The following SUGP2 variants were observed in gnomAD, a reference collection of about 807,000 sequenced individuals.
SUGP2 encodes the protein SURP and G-patch domain-containing protein 2.
A neutral mutation model predicts 90.5 loss-of-function variants in SUGP2; 24 were observed. The ratio of observed to expected loss-of-function variants is 0.27; its 90% CI spans 0.19 to 0.37. The LOEUF is 0.37. Ranked by LOEUF, SUGP2 falls within the 10% of genes least tolerant of loss-of-function variation. The pLI is 1.00. For synonymous variants in SUGP2, 473 were observed against 513.4 expected (o/e 0.92, Z 1.06); for missense variants, 1,233 against 1,363.3 (o/e 0.90, Z 1.51).
intron 4 of SUGP2, among the ~76,000 whole-genome samples, chr19:19,011,072 G>A (rs1346427784): frequency 6.6e-6 from 1 of 151,342 alleles, no homozygotes; most frequent in Admixed American, 6.6e-5. Flanking sequence ...AGGAAGTCGA[G>A]AGGCTGTGGT....
intron 3 of SUGP2, among the ~76,000 whole-genome samples, chr19:19,021,268 T>C (rs941691435): frequency 2.6e-5 from 4 of 152,050 alleles, no homozygotes; most frequent in African/African-American, 7.2e-5. Context: ...CTGTAAATGA[T>C]TGCATAGTCC....
At position 19,010,196 on chromosome 19, in the gene SUGP2, G is replaced by A. The variant is rs2058255028; in HGVS notation, c.1997C>T (p.Ala666Val). The change falls in exon 5 of 11, where the codon GCT (alanine) becomes GTT (valine). Residue 666 changes from alanine to valine, a missense_variant. By Grantham distance (64) the Ala-to-Val change is moderately conservative. Transcript: ENST00000452918. The stretch of plus-strand genomic sequence containing the variant: ...GAGTTTCTTCTTGAGGTTGCGGACA[G>A]CCCGGGAGTACAGCATGGCCCTCAC... ...CAVRAMLYSRAVRNLKKKLLP... is the reference protein window; with the variant it reads ...CAVRAMLYSRVVRNLKKKLLP... 1 of 1,613,990 alleles carries A rather than the reference G, an allele frequency of 6.2e-7. No homozygotes were observed. Among genetic ancestry groups the A allele is most frequent in the Non-Finnish European group, 8.5e-7 (1 of 1,180,006 alleles).
chr19:19,033,500 G>T lies in SUGP2; in HGVS notation c.-75C>A. 1.4e-6 allele frequency: 2 copies of T among 1,405,540 alleles called. No homozygotes were observed. 87.1% of individuals were successfully genotyped at this position (1,405,540 alleles called of 1,614,324 possible). A position where few individuals can be genotyped will look rare whatever the true frequency, so the allele number is the denominator to read the frequency against. On this transcript the variant is annotated 5_prime_UTR_variant, in exon 1 of 11. Coordinates refer to ENST00000452918, the MANE Select transcript of SUGP2 (RefSeq NM_001017392.5). The stretch of plus-strand genomic sequence containing the variant: ...CTCAGGCTCCTCACCCGCCGCCGCC[G>T]CCGCGCGAGGCGGGGACATGCAAAT...
Position 19,008,480 on chromosome 19 carries a change from G to A in SUGP2, c.2339-52C>T, listed in dbSNP as rs369985263. The A allele has an allele frequency of 4.4e-5, 62 of 1,402,618 alleles. 1 individual carries two copies. The highest frequency in any genetic ancestry group is 1.0e-4 in the South Asian group (9 of 86,918). The allele number at this position is 1,402,618 out of a possible 1,614,324, so 86.9% of individuals were successfully genotyped here. On this transcript the variant is annotated intron_variant, in intron 5 of 10. Transcript: ENST00000452918. ...CATGACTCCTGAGCTGCTGCTCCCC[G>A]TGTAAACACTGCAGGGTTGTGGAGG...
chr19:19,009,774 C>T (rs999215602), intron 5 of SUGP2, 81 bp downstream of exon 5: 1 of 1,492,134 alleles, frequency 6.7e-7, no homozygotes, highest in Non-Finnish European at 8.9e-7. Context: ...AGATTGCAGG[C>T]CCCCCCAATT....
At chr19:19,022,376 G>C (rs2058760119) in intron 3 of SUGP2, among the ~76,000 whole-genome samples, 1 of 152,190 alleles carries the variant, frequency 6.6e-6, no homozygotes, top group South Asian at 2.1e-4. Context: ...TCCAGACAGG[G>C]AACTGAGGCT....
At position 19,009,852 on chromosome 19, in the gene SUGP2, C is replaced by T. The variant is rs2058236610; in HGVS notation, c.2338+3G>A. ...GAGGAGGGGGACAGGAGTGAGCACC[C>T]ACTGTCAGCAGATGGGCAGGGAGAA... On this transcript the variant is annotated splice_donor_region_variant and intron_variant, in intron 5 of 10. Coordinates refer to ENST00000452918, the MANE Select transcript of SUGP2 (RefSeq NM_001017392.5). 1 of 1,600,264 alleles carries T rather than the reference C, an allele frequency of 6.2e-7. No homozygotes were observed. The highest frequency in any genetic ancestry group is 2.2e-5 in the East Asian group (1 of 44,670).
chr19:19,020,618 T>C (rs2058688552), intron 3 of SUGP2, among the ~76,000 whole-genome samples: 2 of 151,426 alleles, frequency 1.3e-5, no homozygotes, highest in South Asian at 4.2e-4. Context: ...TTTATTTTTT[T>C]GTACAGACGA....
rs1399549505 is a variant in SUGP2, at chr19:19,025,039, G to A, written c.1309C>T (p.Leu437=). The A allele has an allele frequency of 6.2e-6, 10 of 1,614,084 alleles. No individual in the cohort carries two copies. The South Asian group carries it at 1.1e-4, about 18-fold the overall frequency. The change falls in exon 3 of 11, where the codon CTG becomes TTG. Residue 437 remains leucine, a synonymous_variant. Transcript: ENST00000452918. ...KYIMRLQDRL[L]KSVTPLLMAC... Reference sequence around the variant, plus strand: ...ATAAGCAAAGGTGTGACACTCTTCAGAAGCCGGTCTTGAAGTCTCATTATG... The same window carrying A: ...ATAAGCAAAGGTGTGACACTCTTCAAAAGCCGGTCTTGAAGTCTCATTATG...
Position 18,997,159 on chromosome 19 carries a change from C to CT in SUGP2, c.2992-1880_2992-1879insA, listed in dbSNP as rs1310980830. On this transcript the variant is annotated intron_variant, in intron 8 of 10. Coordinates refer to ENST00000452918, the MANE Select transcript of SUGP2 (RefSeq NM_001017392.5). ...GGTATAATTCAACCAAAAGACAAATCCCCCCCTTGCCATCTGCATTGAGGT... is the reference window on the plus strand; with the variant it reads ...GGTATAATTCAACCAAAAGACAAATCTCCCCCCTTGCCATCTGCATTGAGGT... Among the ~76,000 whole-genome samples the CT allele has an allele frequency of 3.3e-5, 5 of 152,200 alleles. No homozygotes were observed. The East Asian group carries it at 5.8e-4, about 18-fold the overall frequency.
intron 1 of SUGP2, among the ~76,000 whole-genome samples, chr19:19,031,862 C>G (rs1400068289): frequency 7.6e-6 from 1 of 131,520 alleles, no homozygotes; most frequent in African/African-American, 2.9e-5. Context: ...CAGGGTTTTG[C>G]TAGGTTGGCC....
intron 6 of SUGP2, among the ~76,000 whole-genome samples, 190 bp downstream of exon 6, chr19:19,008,127 G>A (rs990758209): frequency 5.9e-5 from 9 of 152,088 alleles, no homozygotes; most frequent in African/African-American, 2.2e-4. Flanking sequence ...TGCTTGTGGC[G>A]TGAACACACT....
At position 19,033,422 on chromosome 19, in the gene SUGP2, G is replaced by A; in HGVS notation, c.-12+15C>T. Reference sequence around the variant, plus strand: ...CGGGAGCCACCCACCGACGACGCCAGGGCCCGGGCCTCACCCCGAGACCAC... The same window carrying A: ...CGGGAGCCACCCACCGACGACGCCAAGGCCCGGGCCTCACCCCGAGACCAC... On this transcript the variant is annotated intron_variant, in intron 1 of 10. Coordinates refer to ENST00000452918, the MANE Select transcript of SUGP2 (RefSeq NM_001017392.5). 7.5e-7 allele frequency: 1 copy of A among 1,327,570 alleles called. No individual in the cohort carries two copies. The highest frequency in any genetic ancestry group is 9.7e-7 in the Non-Finnish European group (1 of 1,035,690). 82.2% of individuals were successfully genotyped at this position (1,327,570 alleles called of 1,614,324 possible).
At chr19:19,012,316 C>T (rs986195357) in intron 4 of SUGP2, among the ~76,000 whole-genome samples, 1 of 152,208 alleles carries the variant, frequency 6.6e-6, no homozygotes, top group Non-Finnish European at 1.5e-5. Context: ...CCCAGCAAGG[C>T]AACTCCTCAT....
chr19:19,014,008 T>C (rs968015984), intron 4 of SUGP2, among the ~76,000 whole-genome samples: 1 of 152,160 alleles, frequency 6.6e-6, no homozygotes, highest in Non-Finnish European at 1.5e-5. Context: ...CATTGATTGA[T>C]TTGAGACGGT....
rs200536552 is a variant in SUGP2, at chr19:19,004,566, G to A, written c.2531C>T (p.Thr844Met). 168 of 1,614,220 alleles carry A rather than the reference G, an allele frequency of 1.0e-4. No homozygotes were observed. In the East Asian group the frequency reaches 3.2e-3, roughly 31 times the overall value. ...VFELCPSICF[T>M]SSPHNLHTGG... ...AGTGTGAAGGTTGTGCGGAGATGAC[G>A]TGAAACAAATTGATGGACATAGTTC... is the stretch of plus-strand genomic sequence containing the variant. The change falls in exon 7 of 11, where the codon ACG becomes ATG. Residue 844 changes from threonine to methionine, a missense_variant. Thr to Met is a moderately conservative substitution (Grantham distance 81). Transcript: ENST00000452918.
In SUGP2 at chr19:19,010,125, C is replaced by T. The variant is rs773358996; in HGVS notation, c.2068G>A (p.Gly690Ser). Reference protein sequence around the residue: ...RGLLRAQGLRGWKARRATTGT... With the variant: ...RGLLRAQGLRSWKARRATTGT... ...GTGGTCGCTCTCCTCGCCTTCCAGC[C>T]CCGGAGCCCTTGAGCACGGAGGAGC... The change falls in exon 5 of 11, where the codon GGC becomes AGC. Residue 690 changes from glycine to serine, a missense_variant. Transcript: ENST00000452918. The T allele has an allele frequency of 1.9e-6, 3 of 1,612,166 alleles. No individual in the cohort carries two copies. Among genetic ancestry groups the T allele is most frequent in the Non-Finnish European group, 8.5e-7 (1 of 1,179,832 alleles).
intron 2 of SUGP2, among the ~76,000 whole-genome samples, chr19:19,029,982 G>T (rs946445852): frequency 1.7e-4 from 26 of 151,826 alleles, no homozygotes; most frequent in African/African-American, 5.5e-4. Context: ...TTAAACCTGG[G>T]CAGCGGTGAC....
intron 1 of SUGP2, chr19:19,032,987 G>A (rs1184386643): frequency 6.7e-6 from 1 of 149,354 alleles, no homozygotes; most frequent in African/African-American, 2.5e-5. Context: ...AGGGTTCCCG[G>A]GTCAGGTGAC....
Sources: allele counts gnomAD v4.1 joint callset (sites outside exome capture counted in the v4.1 genomes callset), GRCh38; gene constraint gnomAD v4.1.1; transcripts MANE v1.5; gene names NCBI Gene and HGNC (gene_info 2026-07-23, HGNC 2026-07-21).